Variants in ST3GAL6 observed in about 807,000 individuals in gnomAD.
ST3GAL6 encodes type 2 lactosamine alpha-2,3-sialyltransferase.
In ST3GAL6, 31 loss-of-function variants were observed where a neutral mutation model predicts 40.5. The ratio of observed to expected loss-of-function variants is 0.77; its 90% CI spans 0.58 to 1.03. ST3GAL6 has a LOEUF of 1.03. Ranked by LOEUF, ST3GAL6 falls within the 50% of genes least tolerant of loss-of-function variation. The pLI is 0.00. For synonymous variants in ST3GAL6, 129 were observed against 136.9 expected, an observed-to-expected ratio of 0.94 and a Z score of 0.40; for missense variants, 357 against 393.2, an observed-to-expected ratio of 0.91 and a Z score of 0.78.
At chr3:98,745,542 G>A (rs932766626) in intron 1 of ST3GAL6, among the ~76,000 whole-genome samples, 6 of 152,168 alleles carry the variant, frequency 3.9e-5, no homozygotes, top group African/African-American at 1.4e-4. Flanking sequence ...GCCTAGAGTG[G>A]ATGTACATTC....
In ST3GAL6 at chr3:98,788,131, T is replaced by C. The variant is rs748929410; in HGVS notation, c.527T>C (p.Ile176Thr). Residue 176 changes from isoleucine (I) to threonine (T), a missense_variant, in exon 7 of 10, where the codon ATT becomes ACT. Ile to Thr is a moderately conservative substitution (Grantham distance 89). Coordinates refer to ENST00000483910, the MANE Select transcript of ST3GAL6 (RefSeq NM_001323368.2). ...FYPESVFSDP[I>T]HNDPNTTVIL... is the part of the protein sequence containing the mutation. ...CCAGAATCTGTTTTTTCAGATCCTA[T>C]TCACAATGACCCTAATACGACAGTG... The C allele has an allele frequency of 3.7e-6, 6 of 1,614,090 alleles. No individual in the cohort carries two copies. Among genetic ancestry groups the C allele is most frequent in the Non-Finnish European group, 4.2e-6 (5 of 1,179,984 alleles).
intron 5 of ST3GAL6, among the ~76,000 whole-genome samples, chr3:98,775,124 C>T (rs772676906): frequency 1.3e-5 from 2 of 152,120 alleles, no homozygotes; most frequent in Non-Finnish European, 2.9e-5. Context: ...TTGGTAAATG[C>T]CAGACCCAGG....
intron 1 of ST3GAL6, among the ~76,000 whole-genome samples, chr3:98,737,207 C>T (rs1935626618): frequency 6.6e-6 from 1 of 152,156 alleles, no homozygotes; most frequent in African/African-American, 2.4e-5. Context: ...CACCACCACA[C>T]CTGGCTATTT....
intron 6 of ST3GAL6, among the ~76,000 whole-genome samples, chr3:98,785,633 C>T (rs1249849003): frequency 6.6e-6 from 1 of 152,106 alleles, no homozygotes; most frequent in African/African-American, 2.4e-5. Flanking sequence ...AAGCGGTGAG[C>T]AAAGATCAGG....
chr3:98,745,026 A>T (rs13085913), intron 1 of ST3GAL6, among the ~76,000 whole-genome samples: 2,512 of 149,830 alleles, frequency 0.017, 70 homozygotes, highest in African/African-American at 0.055. Flanking sequence ...TTTTTTTTTT[A>T]AATTTTATTT....
intron 1 of ST3GAL6, among the ~76,000 whole-genome samples, chr3:98,749,883 A>G (rs1488702971): frequency 6.6e-6 from 1 of 152,230 alleles, no homozygotes; most frequent in Non-Finnish European, 1.5e-5. Context: ...TGAGGAGCAG[A>G]GCAAAATATG....
intron 1 of ST3GAL6, among the ~76,000 whole-genome samples, chr3:98,754,110 G>A (rs971027773): frequency 1.3e-5 from 2 of 152,204 alleles, no homozygotes; most frequent in African/African-American, 4.8e-5. Context: ...CATAGATAGT[G>A]TGTCTAGGGG....
intron 3 of ST3GAL6, among the ~76,000 whole-genome samples, chr3:98,771,687 C>A (rs1939008767): frequency 6.6e-6 from 1 of 152,100 alleles, no homozygotes; most frequent in South Asian, 2.1e-4. Flanking sequence ...TTTGGGGCTA[C>A]AGATCCCTTT....
At chr3:98,742,545 G>T (rs940548823) in intron 1 of ST3GAL6, among the ~76,000 whole-genome samples, 3 of 152,198 alleles carry the variant, frequency 2.0e-5, no homozygotes, top group Admixed American at 2.0e-4. Flanking sequence ...TTGCAGCACT[G>T]TGCAGGGGAG....
chr3:98,756,941 T>C (rs1390214959), intron 1 of ST3GAL6, among the ~76,000 whole-genome samples: 1 of 152,234 alleles, frequency 6.6e-6, no homozygotes. Context: ...TTTCCCTCTT[T>C]GGGCCTTGTT....
chr3:98,732,513 G>C, exon 1 of ST3GAL6: 1 of 224,372 alleles, frequency 4.5e-6, no homozygotes, highest in Non-Finnish European at 8.7e-6. Flanking sequence ...CGCGCGGCTG[G>C]TGTCCGCCCC....
At chr3:98,766,405 C>CTTTTTTTTTTTTTTTTTTTTTTTTTTTTT (rs369996406) in intron 1 of ST3GAL6, among the ~76,000 whole-genome samples, 2 of 104,104 alleles carry the variant, frequency 1.9e-5, no homozygotes, top group African/African-American at 4.1e-5. Flanking sequence ...AAATGTCATT[C>CTTTTTTTTTTTTTTTTTTTTTTTTTTTTT]TTTTTTTTTT....
At chr3:98,787,652 T>C (rs1428041020) in intron 6 of ST3GAL6, among the ~76,000 whole-genome samples, 1 of 152,240 alleles carries the variant, frequency 6.6e-6, no homozygotes, top group Non-Finnish European at 1.5e-5. Flanking sequence ...ATGTGCTACA[T>C]GACTGTGTGG....
chr3:98,735,268 C>T (rs1018791506), intron 1 of ST3GAL6, among the ~76,000 whole-genome samples: 3 of 152,226 alleles, frequency 2.0e-5, no homozygotes, highest in African/African-American at 7.2e-5. Flanking sequence ...CAGGAATCCT[C>T]TGCAGTATAC....
chr3:98,772,781 T>C, intron 3 of ST3GAL6, 32 bp from the exon 4 acceptor site: 1 of 1,521,814 alleles, frequency 6.6e-7, no homozygotes, highest in South Asian at 1.1e-5. Flanking sequence ...AGTAGGTATT[T>C]GGCAAAATCA....
intron 1 of ST3GAL6, among the ~76,000 whole-genome samples, chr3:98,752,057 AC>A (rs1337245407): frequency 6.6e-6 from 1 of 152,134 alleles, no homozygotes; most frequent in East Asian, 1.9e-4. Flanking sequence ...CAGCAGAAAA[AC>A]CCCACCTTCA....
rs1559754956 is a variant in ST3GAL6, at chr3:98,788,178, C to T, written c.574C>T (p.His192Tyr). Residue 192 changes from histidine (H) to tyrosine (Y), a missense_variant, in exon 7 of 10, where the codon CAT (histidine) becomes TAT (tyrosine). Coordinates refer to ENST00000483910, the MANE Select transcript of ST3GAL6 (RefSeq NM_001323368.2). ...TTVILTAFKP[H>Y]DLRWLLELLM... ...AGTGATTCTCACTGCTTTTAAGCCACATGATTTAAGGTGGCTGTTGGAATT... is the reference window on the plus strand; with the variant it reads ...AGTGATTCTCACTGCTTTTAAGCCATATGATTTAAGGTGGCTGTTGGAATT... The T allele has an allele frequency of 6.2e-7, 1 of 1,613,492 alleles. No homozygotes were observed. The highest frequency in any genetic ancestry group is 8.5e-7 in the Non-Finnish European group (1 of 1,179,756).
At chr3:98,754,266 T>G (rs1937249695) in intron 1 of ST3GAL6, among the ~76,000 whole-genome samples, 1 of 152,218 alleles carries the variant, frequency 6.6e-6, no homozygotes, top group Non-Finnish European at 1.5e-5. Flanking sequence ...TTGGAAGAAG[T>G]TGATTACAAC....
At chr3:98,753,773 G>C (rs775783976) in intron 1 of ST3GAL6, among the ~76,000 whole-genome samples, 23 of 152,206 alleles carry the variant, frequency 1.5e-4, no homozygotes, top group Non-Finnish European at 2.6e-4. Context: ...AGGCCAGCCT[G>C]GGAATCATAG....
Sources: gnomAD v4.1 joint callset for allele counts (sites outside exome capture counted in the v4.1 genomes callset) on GRCh38, gnomAD v4.1.1 for gene constraint, MANE v1.5 for transcripts, NCBI Gene and HGNC (gene_info 2026-07-23, HGNC 2026-07-21) for gene names.